PATJ: variants seen among roughly 807,000 people sequenced by gnomAD.
PATJ encodes PATJ crumbs cell polarity complex component, also known as inaD-like protein.
In PATJ, 190 loss-of-function variants were observed where a neutral mutation model predicts 224.9. The ratio of observed to expected loss-of-function variants is 0.84; its 90% CI spans 0.75 to 0.95. The LOEUF (loss-of-function observed/expected upper bound fraction) is 0.95. Among genes scored for constraint, PATJ ranks in the 40% least tolerant of loss-of-function variants. The probability of loss-of-function intolerance (pLI) is 0.00; values close to 1 mark genes in which losing one functional copy is unlikely to be tolerated. For missense variants in PATJ, 2,121 were observed against 2,270.3 expected (o/e 0.93, Z 1.34); for synonymous variants, 769 against 820.3 (o/e 0.94, Z 1.07).
At chr1:61,800,189 G>A (rs946989898) in intron 11 of PATJ, among the ~76,000 whole-genome samples, 13 of 152,176 alleles carry the variant, frequency 8.5e-5, no homozygotes, top group African/African-American at 3.1e-4. Context: ...CACATCGACA[G>A]AAGTTGTACT....
chr1:62,121,254 T>A lies in PATJ; in HGVS notation c.4964T>A (p.Val1655Asp), dbSNP rs1665009114. 1 of 1,613,718 alleles carries A rather than the reference T, an allele frequency of 6.2e-7. No individual in the cohort carries two copies. Among genetic ancestry groups the A allele is most frequent in the African/African-American group, 1.3e-5 (1 of 74,752 alleles). ...APVITGLQNL[V>D]GTKRVSDPSQ... is the part of the protein sequence containing the mutation. Reference sequence around the variant, plus strand: ...GTCATCACTGGCCTGCAAAACCTGGTTGGCACAAAAAGAGTTTCAGATCCT... The same window carrying A: ...GTCATCACTGGCCTGCAAAACCTGGATGGCACAAAAAGAGTTTCAGATCCT... The change falls in exon 38 of 44, where the codon GTT (valine) becomes GAT (aspartate). Residue 1655 changes from valine (V) to aspartate (D), a missense_variant. By Grantham distance (152) the Val-to-Asp change is radical (BLOSUM62 -3). Transcript: ENST00000642238.
intron 41 of PATJ, among the ~76,000 whole-genome samples, chr1:62,136,367 A>C (rs2148976932): frequency 6.6e-6 from 1 of 151,890 alleles, no homozygotes; most frequent in East Asian, 2.0e-4. Context: ...ATAAAAATCA[A>C]TATATTCTGG....
chr1:61,755,896 G>C (rs74867007), intron 1 of PATJ, among the ~76,000 whole-genome samples: 10,559 of 152,136 alleles, frequency 0.069, 394 homozygotes, highest in South Asian at 0.16. Flanking sequence ...CTGCCTCCTG[G>C]GTTCAAGCGA....
intron 33 of PATJ, among the ~76,000 whole-genome samples, chr1:62,088,318 C>T (rs1029614701): frequency 3.3e-5 from 5 of 152,156 alleles, no homozygotes; most frequent in African/African-American, 1.2e-4. Flanking sequence ...AGGACCAGAC[C>T]AGACCATCGT....
In PATJ at chr1:62,120,179, A is replaced by G. The variant is rs1418489278; in HGVS notation, c.4891-1002A>G. ...TTTGAAATGAATTTTTTAAAAAAAGATGAGTGATGAATAGATAAATGGCTA... is the reference window on the plus strand; with the variant it reads ...TTTGAAATGAATTTTTTAAAAAAAGGTGAGTGATGAATAGATAAATGGCTA... On this transcript the variant is annotated intron_variant, in intron 37 of 43. Coordinates refer to ENST00000642238, the MANE Select transcript of PATJ (RefSeq NM_001350145.3). Among the ~76,000 whole-genome samples, 3 of 152,318 alleles carry G rather than the reference A, an allele frequency of 2.0e-5. No individual in the cohort carries two copies. The South Asian group carries it at 6.2e-4, about 32-fold the overall frequency.
chr1:62,160,794 T>C, intron 43 of PATJ, 114 bp from the exon 44 acceptor site: 2 of 1,107,536 alleles, frequency 1.8e-6, no homozygotes, highest in Non-Finnish European at 2.5e-6. Context: ...TAATTGGTAG[T>C]TTTTAAAGTT....
At chr1:61,818,436 A>T (rs1281790180) in intron 14 of PATJ, among the ~76,000 whole-genome samples, 6 of 152,188 alleles carry the variant, frequency 3.9e-5, no homozygotes, top group Admixed American at 6.5e-5. Context: ...GCTGCTAAGA[A>T]CTCTGCATAC....
At chr1:62,050,878 T>C in intron 30 of PATJ, 88 bp from the exon 31 acceptor site, 1 of 952,400 alleles carries the variant, frequency 1.0e-6, no homozygotes, top group Non-Finnish European at 1.7e-6. Flanking sequence ...AACCATATGA[T>C]GAGCAAATGA....
intron 27 of PATJ, among the ~76,000 whole-genome samples, chr1:61,934,603 A>C (rs1390688611): frequency 6.6e-6 from 1 of 152,130 alleles, no homozygotes; most frequent in Non-Finnish European, 1.5e-5. Flanking sequence ...TCCTTTGGAA[A>C]AGCTTGCCTG....
At chr1:61,913,967 T>G (rs1673059292) in intron 25 of PATJ, among the ~76,000 whole-genome samples, 1 of 152,230 alleles carries the variant, frequency 6.6e-6, no homozygotes, top group African/African-American at 2.4e-5. Context: ...CGTCTTCAGC[T>G]TCTGGATCTA....
At chr1:61,989,072 G>T (rs559365702) in intron 27 of PATJ, among the ~76,000 whole-genome samples, 4 of 152,288 alleles carry the variant, frequency 2.6e-5, no homozygotes, top group Admixed American at 2.6e-4. Context: ...CACAGCACAT[G>T]CTTAAAGCAG....
intron 15 of PATJ, among the ~76,000 whole-genome samples, chr1:61,826,455 G>A (rs1195807516): frequency 1.3e-5 from 2 of 152,208 alleles, no homozygotes; most frequent in Non-Finnish European, 2.9e-5. Flanking sequence ...GTAGGAGTCA[G>A]ATGCGAAAAG....
At chr1:61,886,499 CAGAA>C (rs1388435903) in intron 22 of PATJ, among the ~76,000 whole-genome samples, 2 of 152,000 alleles carry the variant, frequency 1.3e-5, no homozygotes, top group African/African-American at 4.8e-5. Flanking sequence ...AAATTGGACA[CAGAA>C]AGAGCTGACT....
chr1:61,991,232 A>ACTGTTTGGT (rs1645047520), intron 28 of PATJ, among the ~76,000 whole-genome samples: 3 of 152,112 alleles, frequency 2.0e-5, no homozygotes, highest in Non-Finnish European at 4.4e-5. Flanking sequence ...ATAACAGCTA[A>ACTGTTTGGT]AATATACCTG....
intron 19 of PATJ, among the ~76,000 whole-genome samples, chr1:61,862,321 C>T (rs1344685236): frequency 2.0e-5 from 3 of 151,720 alleles, no homozygotes; most frequent in Non-Finnish European, 2.9e-5. Flanking sequence ...CTCAGCCTTC[C>T]GAGTAGCTGG....
At position 62,086,061 on chromosome 1, in the gene PATJ, A is replaced by C. The variant is rs1659931114; in HGVS notation, c.4377+1413A>C. Among the ~76,000 whole-genome samples the C allele has an allele frequency of 6.6e-6, 1 of 151,918 alleles. No homozygotes were observed. The highest frequency in any genetic ancestry group is 1.5e-5 in the Non-Finnish European group (1 of 67,980). On this transcript the variant is annotated intron_variant, in intron 33 of 43. Coordinates refer to ENST00000642238, the MANE Select transcript of PATJ (RefSeq NM_001350145.3). The surrounding 1 kb of genome is among the most constrained non-coding windows in gnomAD (Gnocchi z 4.0). ...ACTCCTAGGCTCAAGCGATCCTCCT[A>C]CCTTAGCCTCCCAAAATGCTGCAAT...
At chr1:61,893,485 GT>G (rs66571879) in intron 22 of PATJ, among the ~76,000 whole-genome samples, 71,748 of 138,998 alleles carry the variant, frequency 0.52, 18,377 homozygotes, top group Admixed American at 0.61. Flanking sequence ...ATTTTAGGGT[GT>G]TTTTTTTTTT....
chr1:61,773,322 C>G (rs1646723574), intron 6 of PATJ, among the ~76,000 whole-genome samples: 1 of 152,024 alleles, frequency 6.6e-6, no homozygotes, highest in Non-Finnish European at 1.5e-5. Flanking sequence ...GCACCCGGCC[C>G]TCCAATAATG....
chr1:62,051,393 C>G (rs1324476194), intron 31 of PATJ, among the ~76,000 whole-genome samples: 1 of 152,032 alleles, frequency 6.6e-6, no homozygotes, highest in East Asian at 1.9e-4. Flanking sequence ...GTGCAATGAT[C>G]TCAGCTCACT....
Sources: allele counts gnomAD v4.1 joint callset (sites outside exome capture counted in the v4.1 genomes callset), GRCh38; gene constraint gnomAD v4.1.1; non-coding constraint Gnocchi (gnomAD v3.1); transcripts MANE v1.5; gene names NCBI Gene and HGNC (gene_info 2026-07-23, HGNC 2026-07-21).